The following ZNF423 variants were observed in gnomAD, a reference collection of about 807,000 sequenced individuals.
The protein encoded by ZNF423 is zinc finger protein 423.
Under a neutral mutation model 95.8 loss-of-function variants are expected in ZNF423, and 12 were observed. The observed-to-expected ratio is 0.13, with a 90% CI of 0.08 to 0.20. The LOEUF (loss-of-function observed/expected upper bound fraction) is 0.20. Among genes scored for constraint, ZNF423 ranks in the 10% least tolerant of loss-of-function variants. The pLI is 1.00. For missense variants in ZNF423, 1,316 were observed against 1,737.1 expected, an observed-to-expected ratio of 0.76 and a Z score of 4.31; for synonymous variants, 749 against 711.9, an observed-to-expected ratio of 1.05 and a Z score of -0.83.
rs1971452274 is a variant in ZNF423, at chr16:49,603,799, T to C, written c.3601+22371A>G. Among the ~76,000 whole-genome samples, 1 of 152,212 alleles carries C rather than the reference T, an allele frequency of 6.6e-6. No homozygotes were observed. The highest frequency in any genetic ancestry group is 1.5e-5 in the Non-Finnish European group (1 of 68,026). On this transcript the variant is annotated intron_variant, in intron 5 of 7. Transcript: ENST00000563137. The surrounding 1 kb of genome is among the most constrained non-coding windows in gnomAD (Gnocchi z 4.1). Reference sequence around the variant, plus strand: ...TTATTCAGCTGATCTTTCCTCCATGTCTGAGAGCACCAGAGCCATGCCTGA... The same window carrying C: ...TTATTCAGCTGATCTTTCCTCCATGCCTGAGAGCACCAGAGCCATGCCTGA...
chr16:49,701,322 T>C (rs1402711148), intron 3 of ZNF423, among the ~76,000 whole-genome samples: 2 of 152,180 alleles, frequency 1.3e-5, no homozygotes, highest in Non-Finnish European at 2.9e-5. Flanking sequence ...AGCAGCAAAA[T>C]GCTTGCAAAA....
At chr16:49,670,065 G>GA (rs145344828) in intron 3 of ZNF423, among the ~76,000 whole-genome samples, 13,992 of 152,238 alleles carry the variant, frequency 0.092, 747 homozygotes, top group Middle Eastern at 0.18. Flanking sequence ...GAGAACAGAG[G>GA]AAAAAAGGCC....
At chr16:49,547,247 A>G (rs954757898) in intron 5 of ZNF423, among the ~76,000 whole-genome samples, 1 of 152,078 alleles carries the variant, frequency 6.6e-6, no homozygotes, top group Admixed American at 6.6e-5. Flanking sequence ...CCCCAGGGAA[A>G]GAGAGAATGC....
chr16:49,560,586 G>C (rs1401529958), intron 5 of ZNF423, among the ~76,000 whole-genome samples: 1 of 152,162 alleles, frequency 6.6e-6, no homozygotes, highest in Non-Finnish European at 1.5e-5. Flanking sequence ...TATCGTGTGT[G>C]GTGTGGGAAG....
At position 49,771,188 on chromosome 16, in the gene ZNF423, T is replaced by C. The variant is rs112661114; in HGVS notation, c.100+18299A>G. ...ATCTCATCTTGAATTTCTTTTTTTT[T>C]TTTCTTTTTTTTTTTTTTTTTTTTG... On this transcript the variant is annotated intron_variant, in intron 2 of 7. Coordinates refer to ENST00000563137, the MANE Select transcript of ZNF423 (RefSeq NM_001379286.1). 5.7e-4 allele frequency among the ~76,000 whole-genome samples: 81 copies of C among 142,578 alleles called. 1 individual carries two copies. Among genetic ancestry groups the C allele is most frequent in the African/African-American group, 2.1e-3 (80 of 37,580 alleles). The allele number at this position is 142,578 out of a possible 152,430, so 93.5% of individuals were successfully genotyped here. A position where few individuals can be genotyped will look rare whatever the true frequency, so the allele number is the denominator to read the frequency against.
chr16:49,629,701 G>A (rs1242275736), intron 4 of ZNF423, among the ~76,000 whole-genome samples: 1 of 152,180 alleles, frequency 6.6e-6, no homozygotes, highest in Non-Finnish European at 1.5e-5. Context: ...AATGTGTTTT[G>A]TCTACCTTTG....
intron 1 of ZNF423, among the ~76,000 whole-genome samples, chr16:49,827,859 C>G (rs1182104512): frequency 6.6e-6 from 1 of 152,118 alleles, no homozygotes; most frequent in Non-Finnish European, 1.5e-5. Flanking sequence ...TAGAATATCC[C>G]CTAACCCTGG....
intron 1 of ZNF423, among the ~76,000 whole-genome samples, chr16:49,834,269 A>G (rs2035092840): frequency 6.6e-6 from 1 of 152,196 alleles, no homozygotes; most frequent in Non-Finnish European, 1.5e-5. Flanking sequence ...TCATGAAAAT[A>G]CAGATTGAGA....
chr16:49,713,452 G>A (rs1169608434), intron 3 of ZNF423, among the ~76,000 whole-genome samples: 1 of 152,134 alleles, frequency 6.6e-6, no homozygotes, highest in Non-Finnish European at 1.5e-5. Context: ...CAGATTTGGG[G>A]TAGTTATTCT....
intron 7 of ZNF423, among the ~76,000 whole-genome samples, chr16:49,497,556 C>A (rs901130276): frequency 6.6e-6 from 1 of 152,196 alleles, no homozygotes; most frequent in Non-Finnish European, 1.5e-5. Context: ...TCTCCCGGCC[C>A]CACCTGCAGA....
At chr16:49,577,858 C>T (rs902635259) in intron 5 of ZNF423, among the ~76,000 whole-genome samples, 1 of 152,188 alleles carries the variant, frequency 6.6e-6, no homozygotes, top group Non-Finnish European at 1.5e-5. Flanking sequence ...TTCCTATTTG[C>T]CAGCGATAGA....
intron 2 of ZNF423, among the ~76,000 whole-genome samples, chr16:49,781,659 TC>T (rs972413761): frequency 1.3e-5 from 2 of 152,076 alleles, no homozygotes; most frequent in African/African-American, 4.8e-5. Context: ...TGGCCTCGCC[TC>T]CCCATGGTGA....
rs538324175 is a variant in ZNF423, at chr16:49,592,343, G to A, written c.3601+33827C>T. Among the ~76,000 whole-genome samples the A allele has an allele frequency of 2.6e-5, 4 of 152,206 alleles. No individual in the cohort carries two copies. The South Asian group carries it at 8.3e-4, about 32-fold the overall frequency. On this transcript the variant is annotated intron_variant, in intron 5 of 7. Coordinates refer to ENST00000563137, the MANE Select transcript of ZNF423 (RefSeq NM_001379286.1). ...TATTATTTGAGTTTTTTAAAACACA[G>A]CTTTTTTAAAAACAGGAGGGGCAGT...
intron 1 of ZNF423, among the ~76,000 whole-genome samples, chr16:49,852,250 C>G (rs187437585): frequency 1.3e-5 from 2 of 151,560 alleles, no homozygotes; most frequent in East Asian, 3.9e-4. Context: ...TTGGGGTGGG[C>G]GGGTGTATGG....
chr16:49,637,235 G>T lies in ZNF423; in HGVS notation c.1941C>A (p.Leu647=). 2 of 1,614,150 alleles carry T rather than the reference G, an allele frequency of 1.2e-6. No homozygotes were observed. Among genetic ancestry groups the T allele is most frequent in the South Asian group, 1.1e-5 (1 of 91,088 alleles). Residue 647 remains leucine (L), a synonymous_variant, in exon 4 of 8, where the codon CTC becomes CTA. Transcript: ENST00000563137. The surrounding 1 kb of genome is among the most constrained non-coding windows in gnomAD (Gnocchi z 5.6). ...GGAAGCTCTCAAAGTTGGAGAACTT[G>T]AGGTCGCATTGATTGCAAGGATACT... ...NGEYPCNQCD[L]KFSNFESFQT...
At position 49,498,274 on chromosome 16, in the gene ZNF423, G is replaced by A. The variant is rs1967242436; in HGVS notation, c.3850-6970C>T. Among the ~76,000 whole-genome samples, 3 of 152,194 alleles carry A rather than the reference G, an allele frequency of 2.0e-5. No individual in the cohort carries two copies. In the South Asian group the frequency reaches 6.2e-4, roughly 31 times the overall value. ...AAAACTGAGGCGCAGAGAGGCCCAG[G>A]TCCTGCCACTGGTGATGGCAGTGCT... On this transcript the variant is annotated intron_variant, in intron 7 of 7. Coordinates refer to ENST00000563137, the MANE Select transcript of ZNF423 (RefSeq NM_001379286.1).
intron 1 of ZNF423, among the ~76,000 whole-genome samples, chr16:49,813,268 C>T (rs1204710764): frequency 2.0e-5 from 3 of 151,898 alleles, no homozygotes; most frequent in South Asian, 2.1e-4. Context: ...CAGGCAACGG[C>T]GCACTTCACC....
chr16:49,635,173 G>A lies in ZNF423; in HGVS notation c.3516+487C>T, dbSNP rs569462612. On this transcript the variant is annotated intron_variant, in intron 4 of 7. Transcript: ENST00000563137. The surrounding 1 kb of genome is among the most constrained non-coding windows in gnomAD (Gnocchi z 4.8). ...GCTGGGCTCTCGGCCCCTTGTGTGT[G>A]TGTGATCTCTATGAACTGTCAAAAG... 8.4e-4 allele frequency among the ~76,000 whole-genome samples: 128 copies of A among 152,272 alleles called. No individual in the cohort carries two copies. The highest frequency in any genetic ancestry group is 1.4e-3 in the Non-Finnish European group (94 of 68,030).
Position 49,636,537 on chromosome 16 carries a change from T to C in ZNF423, c.2639A>G (p.His880Arg), listed in dbSNP as rs769834952. The C allele has an allele frequency of 1.9e-6, 3 of 1,613,830 alleles. No homozygotes were observed. The highest frequency in any genetic ancestry group is 2.5e-6 in the Non-Finnish European group (3 of 1,180,044). ...GTCCACGTCATCCTCGCTGGCCTCA[T>C]GGCTGTTAGGTGCCTCAGGGTTCTT... The part of the protein sequence containing the change: ...LLKNPEAPNS[H>R]EASEDDVDAS... The change falls in exon 4 of 8, where the codon CAT (histidine) becomes CGT (arginine). Residue 880 changes from histidine to arginine, a missense_variant. His to Arg is a conservative substitution (Grantham distance 29). Around this residue, in one of 6 missense-constraint regions of ZNF423, gnomAD observed 620 missense variants for 775.6 expected, o/e 0.80. Coordinates refer to ENST00000563137, the MANE Select transcript of ZNF423 (RefSeq NM_001379286.1). This position sits in a 1 kb window ranked among gnomAD's most constrained non-coding sequence, Gnocchi z 8.6.
Sources: allele counts gnomAD v4.1 joint callset (sites outside exome capture counted in the v4.1 genomes callset), GRCh38; gene constraint gnomAD v4.1.1; regional missense constraint gnomAD v4.1.1; non-coding constraint Gnocchi (gnomAD v3.1); transcripts MANE v1.5; gene names NCBI Gene and HGNC (gene_info 2026-07-23, HGNC 2026-07-21).